Variants in BCORL1 observed in about 807,000 individuals in gnomAD.
BCORL1 encodes the protein BCL6 corepressor like 1.
In BCORL1, 7 loss-of-function variants were observed where a neutral mutation model predicts 87.6. The observed-to-expected ratio is 0.08, with a 90% CI of 0.05 to 0.15. The LOEUF (loss-of-function observed/expected upper bound fraction) is 0.15, where lower values mean the gene tolerates loss of function less well. Ranked by LOEUF, BCORL1 falls within the 10% of genes least tolerant of loss-of-function variation. BCORL1 has a pLI of 1.00. For synonymous variants in BCORL1, 591 were observed against 634.4 expected (o/e 0.93, Z 1.03); for missense variants, 1,215 against 1,499.7 (o/e 0.81, Z 3.13).
intron 13 of BCORL1, 126 bp from the exon 14 acceptor site, chrX:130,055,728 G>A: frequency 2.7e-6 from 2 of 752,112 alleles, no homozygotes; most frequent in Non-Finnish European, 3.9e-6. Flanking sequence ...AGCCAGACTG[G>A]CAGTGAGTTA....
intron 1 of BCORL1, among the ~76,000 whole-genome samples, chrX:129,999,638 A>T (rs1927867481): frequency 9.4e-6 from 1 of 106,147 alleles, no homozygotes; most frequent in African/African-American, 3.5e-5. Flanking sequence ...AATGCATTTT[A>T]TGGCAAGAAC....
intron 7 of BCORL1, among the ~76,000 whole-genome samples, chrX:130,027,467 T>C (rs1270445598): frequency 2.7e-5 from 3 of 112,298 alleles, no homozygotes; most frequent in Non-Finnish European, 5.6e-5. Flanking sequence ...GGCTTCCACA[T>C]CTGGATCTGC....
chrX:130,056,217 C>T lies in BCORL1; in HGVS notation c.*81C>T. On this transcript the variant is annotated 3_prime_UTR_variant, in exon 14 of 14. Coordinates refer to ENST00000540052, the MANE Select transcript of BCORL1 (RefSeq NM_001379451.1). ...TCCTTGTCTTTCCCCGACCGAGCAC[C>T]AGACTGCAGAATGAGGCAATAATAC... The T allele has an allele frequency of 2.0e-6, 2 of 988,928 alleles. No individual in the cohort carries two copies. Among genetic ancestry groups the T allele is most frequent in the Non-Finnish European group, 2.7e-6 (2 of 743,380 alleles). The allele number at this position is 988,928 out of a possible 1,213,427, so 81.5% of individuals were successfully genotyped here. A position where few individuals can be genotyped will look rare whatever the true frequency, so the allele number is the denominator to read the frequency against.
At position 130,008,638 on chromosome X, in the gene BCORL1, C is replaced by T. The variant is rs189855217; in HGVS notation, c.86+3321C>T. Among the ~76,000 whole-genome samples the T allele has an allele frequency of 5.3e-4, 59 of 111,915 alleles. No individual in the cohort carries two copies. The East Asian group carries it at 0.013, about 26-fold the overall frequency. On this transcript the variant is annotated intron_variant, in intron 2 of 13. Transcript: ENST00000540052. ...GTCACCTTCTTGCTACAGTCTAGGCCGCTACAGCCTAGACCATGCTATCAC... is the reference window on the plus strand; with the variant it reads ...GTCACCTTCTTGCTACAGTCTAGGCTGCTACAGCCTAGACCATGCTATCAC...
Position 130,055,735 on chromosome X carries a change from G to A in BCORL1, c.5076-119G>A, listed in dbSNP as rs778910252. On this transcript the variant is annotated intron_variant, in intron 13 of 13. Transcript: ENST00000540052. ...GACGGGGGAGCCAGACTGGCAGTGA[G>A]TTATAATGGGAGACATTGATGGTCG... is the stretch of plus-strand genomic sequence containing the variant. 6.2e-5 allele frequency: 50 copies of A among 809,429 alleles called. No homozygotes were observed. The African/African-American group carries it at 9.3e-4, about 15-fold the overall frequency. 66.7% of individuals were successfully genotyped at this position (809,429 alleles called of 1,213,427 possible).
intron 3 of BCORL1, 125 bp downstream of exon 3, chrX:130,012,793 T>C: frequency 1.0e-6 from 1 of 995,215 alleles, no homozygotes; most frequent in Non-Finnish European, 1.4e-6. Context: ...CAGGAGTTGG[T>C]ATTGGTGGGA....
rs1293660692 is a variant in BCORL1 at position 130,012,942 on chromosome X, C to T, written c.178-8C>T. ...GGCTGAGATGTGCATGCTATCCTGT[C>T]GTTGCAGGTGGAGCTCACGGCAGTT... On this transcript the variant is annotated splice_region_variant and splice_polypyrimidine_tract_variant and intron_variant, in intron 3 of 13. Transcript: ENST00000540052. The T allele has an allele frequency of 2.7e-5, 32 of 1,186,196 alleles. No homozygotes were observed. Among genetic ancestry groups the T allele is most frequent in the African/African-American group, 3.5e-5 (2 of 57,158 alleles).
At chrX:130,001,245 C>T (rs760422201) in intron 1 of BCORL1, among the ~76,000 whole-genome samples, 2 of 111,533 alleles carry the variant, frequency 1.8e-5, no homozygotes, top group South Asian at 3.8e-4. Context: ...CATGTGCCAC[C>T]ATGCCCGGCT....
chrX:130,025,499 G>A, intron 7 of BCORL1, 120 bp downstream of exon 7: 1 of 657,225 alleles, frequency 1.5e-6, no homozygotes, highest in Admixed American at 3.9e-5. Context: ...ATGATCTCCA[G>A]CTGCCAGAGG....
chrX:130,055,857 C>G lies in BCORL1; in HGVS notation c.5079C>G (p.Pro1693=), dbSNP rs1382023359. 1 of 1,202,343 alleles carries G rather than the reference C, an allele frequency of 8.3e-7. No homozygotes were observed. Among genetic ancestry groups the G allele is most frequent in the Non-Finnish European group, 1.1e-6 (1 of 890,800 alleles). ...YNLQVSVSRG[P]CNWFLFSDVL... is the part of the protein sequence containing the mutation. ...ACTCCCATCCTTGCCTTTGCAGGCC[C>G]TGCAACTGGTTCCTCTTTTCCGATG... Residue 1693 remains proline (P), a synonymous_variant, in exon 14 of 14, where the codon CCC becomes CCG. Coordinates refer to ENST00000540052, the MANE Select transcript of BCORL1 (RefSeq NM_001379451.1).
chrX:129,986,510 A>C (rs1482844427), intron 1 of BCORL1, among the ~76,000 whole-genome samples: 1 of 112,086 alleles, frequency 8.9e-6, no homozygotes, highest in Non-Finnish European at 1.9e-5. Flanking sequence ...TTCATTTATG[A>C]TGCAGTTCAT....
At chrX:130,012,456 A>G in intron 2 of BCORL1, 122 bp from the exon 3 acceptor site, 1 of 544,162 alleles carries the variant, frequency 1.8e-6, no homozygotes. Context: ...ACAAGTTACT[A>G]CAGGAAGTGA....
At chrX:130,046,714 T>G (rs1931776898) in intron 11 of BCORL1, among the ~76,000 whole-genome samples, 1 of 110,919 alleles carries the variant, frequency 9.0e-6, no homozygotes, top group South Asian at 3.8e-4. Context: ...ACCCGGCTAA[T>G]TTTTTGTATT....
rs1264006510 is a variant in BCORL1 at position 130,013,004 on chromosome X, G to C, written c.232G>C (p.Gly78Arg). 1 of 1,206,356 alleles carries C rather than the reference G, an allele frequency of 8.3e-7. No individual in the cohort carries two copies. The change falls in exon 4 of 14, where the codon GGC (glycine) becomes CGC (arginine). Residue 78 changes from glycine (G) to arginine (R), a missense_variant. Gly to Arg is a moderately radical substitution (Grantham distance 125). This residue lies in a region of BCORL1 where 861 missense variants were observed against 1,010.0 expected (regional missense o/e 0.85). Transcript: ENST00000540052. ...CAATGCCCGGGGGGCAGACCCAGAT[G>C]GCAGTGCTACAGAAAAACTTGGGCA... is the stretch of plus-strand genomic sequence containing the variant. The part of the protein sequence containing the change: ...GSNARGADPD[G>R]SATEKLGHKS...
chrX:130,017,089 A>C (rs1929494437), intron 4 of BCORL1, among the ~76,000 whole-genome samples: 1 of 112,038 alleles, frequency 8.9e-6, no homozygotes, highest in South Asian at 3.7e-4. Context: ...GCACAAGTTT[A>C]TGGTCTTTTT....
At chrX:130,047,411 G>A (rs1174738763) in intron 11 of BCORL1, among the ~76,000 whole-genome samples, 1 of 112,194 alleles carries the variant, frequency 8.9e-6, no homozygotes, top group Non-Finnish European at 1.9e-5. Flanking sequence ...CCACACCACC[G>A]ACCAAATCTT....
intron 7 of BCORL1, 128 bp from the exon 8 acceptor site, chrX:130,028,507 C>CTGA: frequency 1.8e-6 from 1 of 549,921 alleles, no homozygotes; most frequent in East Asian, 3.3e-5. Context: ...ATATCGATAG[C>CTGA]TGATAGTTAT....
intron 2 of BCORL1, among the ~76,000 whole-genome samples, chrX:130,006,658 C>T (rs1199086270): frequency 3.6e-5 from 4 of 110,395 alleles, no homozygotes; most frequent in South Asian, 3.9e-4. Context: ...CTTGCCCGGC[C>T]GTTTTTATTT....
At chrX:129,999,967 C>G (rs944062253) in intron 1 of BCORL1, among the ~76,000 whole-genome samples, 36 of 111,149 alleles carry the variant, frequency 3.2e-4, no homozygotes, top group Non-Finnish European at 2.1e-4. Context: ...AGCCACCATG[C>G]CTGGCCGAGT....
Sources: gnomAD v4.1 joint callset for allele counts (sites outside exome capture counted in the v4.1 genomes callset) on GRCh38, gnomAD v4.1.1 for gene constraint, gnomAD v4.1.1 regional missense constraint, MANE v1.5 for transcripts, NCBI Gene and HGNC (gene_info 2026-07-23, HGNC 2026-07-21) for gene names.